DGKZ: variants seen among roughly 807,000 people sequenced by gnomAD.
DGKZ encodes DAG kinase zeta.
Under a neutral mutation model 142.5 loss-of-function variants are expected in DGKZ, and 45 were observed. The observed-to-expected ratio is 0.32, with a 90% confidence interval of 0.25 to 0.40. The LOEUF is 0.40. Among genes scored for constraint, DGKZ ranks in the 10% least tolerant of loss-of-function variants. DGKZ has a pLI of 1.00. For missense variants in DGKZ, 755 were observed against 1,306.5 expected, an observed-to-expected ratio of 0.58 and a Z score of 6.51; for synonymous variants, 442 against 527.0, an observed-to-expected ratio of 0.84 and a Z score of 2.21.
exon 1 of DGKZ, chr11:46,332,958 G>C (rs1939842849): frequency 3.8e-6 from 1 of 262,778 alleles, no homozygotes; most frequent in Non-Finnish European, 7.1e-6. Context: ...GCGGTTGCAG[G>C]AGCTCGCTCT....
chr11:46,348,048 TGG>T (rs1408549661), intron 1 of DGKZ, among the ~76,000 whole-genome samples: 1 of 151,846 alleles, frequency 6.6e-6, no homozygotes, highest in Non-Finnish European at 1.5e-5. Context: ...TGTCACCGGG[TGG>T]GGGTCATTCC....
Position 46,376,309 on chromosome 11 carries a change from C to G in DGKZ, c.2092-19C>G. ...TGGCCCCCACTCTATCCCAGCCTGG[C>G]CTTTGCTTCTCTCAACAGGAGCCCG... On this transcript the variant is annotated intron_variant, in intron 22 of 30. Transcript: ENST00000527911. The G allele has an allele frequency of 6.2e-7, 1 of 1,613,874 alleles. No homozygotes were observed. The highest frequency in any genetic ancestry group is 8.5e-7 in the Non-Finnish European group (1 of 1,179,948).
Position 46,366,081 on chromosome 11 carries a change from T to A in DGKZ, c.162-1210T>A, listed in dbSNP as rs957806666. 5.1e-6 allele frequency: 5 copies of A among 985,180 alleles called. No homozygotes were observed. In the Admixed American group the frequency reaches 3.1e-4, roughly 61 times the overall value. The allele number at this position is 985,180 out of a possible 1,614,324, so 61.0% of individuals were successfully genotyped here. Reference sequence around the variant, plus strand: ...GGAGGTCAGAGGCTGCAGTGACCCCTCCCTCCCTCAGGGGTTGCTTCCCTT... The same window carrying A: ...GGAGGTCAGAGGCTGCAGTGACCCCACCCTCCCTCAGGGGTTGCTTCCCTT... On this transcript the variant is annotated intron_variant, in intron 1 of 30. Coordinates refer to ENST00000527911, the Ensembl canonical transcript of DGKZ.
intron 1 of DGKZ, chr11:46,366,835 AGGCCAGCACCCTGGCCCTGGG>A (rs755260566): frequency 6.5e-7 from 1 of 1,545,998 alleles, no homozygotes; most frequent in Non-Finnish European, 8.7e-7. Context: ...GGCGGCCCTC[AGGCCAGCACCCTGGCCCTGGG>A]GGCCGAAGAG....
upstream of DGKZ, among the ~76,000 whole-genome samples, chr11:46,343,123 CA>C (rs367778977): frequency 8.7e-5 from 12 of 137,484 alleles, no homozygotes; most frequent in African/African-American, 1.4e-4. Flanking sequence ...GGCTCAGTCT[CA>C]AAAAAAAACA....
rs762586923 is a variant in DGKZ, at chr11:46,366,371, G to A, written c.162-920G>A. 5.3e-5 allele frequency: 81 copies of A among 1,519,412 alleles called. No individual in the cohort carries two copies. The highest frequency in any genetic ancestry group is 1.2e-4 in the Admixed American group (6 of 48,528). 94.1% of individuals were successfully genotyped at this position (1,519,412 alleles called of 1,614,324 possible). A position where few individuals can be genotyped will look rare whatever the true frequency, so the allele number is the denominator to read the frequency against. On this transcript the variant is annotated intron_variant, in intron 1 of 30. Transcript: ENST00000527911. ...AGGCAAGGCCCGGCGTCGCTCCCCC[G>A]CTGGGCAGGCCTCCTCCTCACTGGC...
At chr11:46,345,150 A>ACCAGAC, upstream of DGKZ, 2 of 749,992 alleles carry the variant, frequency 2.7e-6, no homozygotes, top group Non-Finnish European at 3.7e-6. This position sits in a 1 kb window ranked among gnomAD's most constrained non-coding sequence, Gnocchi z 4.1. Context: ...GGAGAGGAAA[A>ACCAGAC]CCAGACAGGA....
At chr11:46,340,263 G>C (rs1430255073) in intron 1 of DGKZ, among the ~76,000 whole-genome samples, 2 of 152,222 alleles carry the variant, frequency 1.3e-5, no homozygotes, top group East Asian at 3.8e-4. Context: ...TAATAGGATA[G>C]GTAGTAAGGG....
intron 1 of DGKZ, chr11:46,338,925 GGA>G (rs1940146016): frequency 6.6e-6 from 1 of 152,236 alleles, no homozygotes; most frequent in Non-Finnish European, 1.5e-5. Context: ...CTGTGTAGCT[GGA>G]CCCCTCCGTG....
At chr11:46,366,951 CGGCCGGACCCCAG>C in intron 1 of DGKZ, 1 of 1,537,424 alleles carries the variant, frequency 6.5e-7, no homozygotes, top group Non-Finnish European at 8.7e-7. Flanking sequence ...CGGCGCAAGG[CGGCCGGACCCCAG>C]GCCTGGAGCG....
Position 46,367,758 on chromosome 11 carries a change from G to C in DGKZ, c.366+11G>C, listed in dbSNP as rs374428518. 1.2e-6 allele frequency: 2 copies of C among 1,612,842 alleles called. No homozygotes were observed. Among genetic ancestry groups the C allele is most frequent in the African/African-American group, 2.7e-5 (2 of 74,922 alleles). On this transcript the variant is annotated intron_variant, in intron 3 of 30. Transcript: ENST00000527911. The surrounding 1 kb of genome is among the most constrained non-coding windows in gnomAD (Gnocchi z 4.1). ...GTAGCCAGGATGCTGGTGAGTGCTC[G>C]TAGGGGCACGCCGCCCCCTGCTGGT...
chr11:46,377,510 T>G, intron 25 of DGKZ: 2 of 445,188 alleles, frequency 4.5e-6, no homozygotes, highest in South Asian at 4.6e-5. Flanking sequence ...CACCAGCCCT[T>G]CCCGGCTGCC....
In DGKZ at chr11:46,347,534, G is replaced by A. The variant is rs1477073315; in HGVS notation, c.-126G>A. The A allele has an allele frequency of 1.9e-5, 19 of 983,122 alleles. No homozygotes were observed. The highest frequency in any genetic ancestry group is 2.3e-5 in the Non-Finnish European group (19 of 829,760). The allele number at this position is 983,122 out of a possible 1,614,324, so 60.9% of individuals were successfully genotyped here. A position where few individuals can be genotyped will look rare whatever the true frequency, so the allele number is the denominator to read the frequency against. On this transcript the variant is annotated 5_prime_UTR_variant, in exon 1 of 31. Transcript: ENST00000527911. This position sits in a 1 kb window ranked among gnomAD's most constrained non-coding sequence, Gnocchi z 6.4. The stretch of plus-strand genomic sequence containing the variant: ...CGTGGGGAGCGGGGGCGCGCGGCGC[G>A]GGGCGGGCGGAGCGAGCGCGCGCCA...
rs1457224621 is a variant in DGKZ, at chr11:46,372,904, G to A, written c.1185+20G>A. ...GGTGGGGTAAGCACCCATAGGAGGGGGGTGCAGCTGGGGCCTCTCCAGCCA... is the reference window on the plus strand; with the variant it reads ...GGTGGGGTAAGCACCCATAGGAGGGAGGTGCAGCTGGGGCCTCTCCAGCCA... On this transcript the variant is annotated intron_variant, in intron 13 of 30. Coordinates refer to ENST00000527911, the Ensembl canonical transcript of DGKZ. This position sits in a 1 kb window ranked among gnomAD's most constrained non-coding sequence, Gnocchi z 5.9. 4 of 1,561,572 alleles carry A rather than the reference G, an allele frequency of 2.6e-6. No individual in the cohort carries two copies. The South Asian group carries it at 4.7e-5, about 18-fold the overall frequency.
chr11:46,366,545 A>C (rs1257969697), intron 1 of DGKZ: 1 of 1,600,228 alleles, frequency 6.2e-7, no homozygotes, highest in Non-Finnish European at 8.5e-7. Flanking sequence ...TCCACAGCCT[A>C]CCACCGTGGG....
At chr11:46,342,966 A>C (rs1342938242), upstream of DGKZ, among the ~76,000 whole-genome samples, 1 of 152,204 alleles carries the variant, frequency 6.6e-6, no homozygotes, top group Non-Finnish European at 1.5e-5. Flanking sequence ...TCTACTAAAA[A>C]TACAAAAATT....
chr11:46,352,133 C>T (rs779215447), intron 1 of DGKZ, among the ~76,000 whole-genome samples: 1 of 152,350 alleles, frequency 6.6e-6, no homozygotes, highest in South Asian at 2.1e-4. Flanking sequence ...GTGGCCCCCC[C>T]GGGGCAGAGG....
In DGKZ at chr11:46,367,116, C is replaced by G; in HGVS notation, c.162-175C>G. 1 of 1,305,072 alleles carries G rather than the reference C, an allele frequency of 7.7e-7. No individual in the cohort carries two copies. The allele number at this position is 1,305,072 out of a possible 1,614,324, so 80.8% of individuals were successfully genotyped here. On this transcript the variant is annotated intron_variant, in intron 1 of 30. Transcript: ENST00000527911. This position sits in a 1 kb window ranked among gnomAD's most constrained non-coding sequence, Gnocchi z 4.1. ...ACTCTGGGCAGTACCCTGAAGCCAG[C>G]GTACCCCAAAAGGCCATGTCTCTTG...
At chr11:46,368,131 C>A (rs769746489) in intron 4 of DGKZ, 52 bp downstream of exon 4, 1 of 1,572,780 alleles carries the variant, frequency 6.4e-7, no homozygotes, top group South Asian at 1.1e-5. Context: ...TGCTGAGGCC[C>A]TTTCAGCGCG....
Sources: allele counts gnomAD v4.1 joint callset (sites outside exome capture counted in the v4.1 genomes callset), GRCh38; gene constraint gnomAD v4.1.1; non-coding constraint Gnocchi (gnomAD v3.1); transcripts MANE v1.5; gene names NCBI Gene and HGNC (gene_info 2026-07-23, HGNC 2026-07-21).